Variants in ELOVL1 observed in about 807,000 individuals in gnomAD.
ELOVL1 encodes ELOVL fatty acid elongase 1.
Under a neutral mutation model 37.8 loss-of-function variants are expected in ELOVL1, and 10 were observed. The observed-to-expected ratio is 0.26, with a 90% CI of 0.16 to 0.45. The LOEUF is 0.45. ELOVL1 is among the 20% of genes least tolerant of loss of function. The pLI is 1.00. For synonymous variants in ELOVL1, 133 were observed against 123.8 expected, an observed-to-expected ratio of 1.07 and a Z score of -0.49; for missense variants, 256 against 352.7, an observed-to-expected ratio of 0.73 and a Z score of 2.20.
chr1:43,365,701 G>A, intron 1 of ELOVL1, 78 bp from the exon 2 acceptor site: 2 of 1,414,186 alleles, frequency 1.4e-6, no homozygotes, highest in Middle Eastern at 1.8e-4. Flanking sequence ...CACAGAACCA[G>A]ACAAGACACC....
Position 43,364,018 on chromosome 1 carries a change from C to G in ELOVL1, c.738G>C (p.Leu246=). 1.2e-6 allele frequency: 2 copies of G among 1,614,146 alleles called. No individual in the cohort carries two copies. Among genetic ancestry groups the G allele is most frequent in the Non-Finnish European group, 1.7e-6 (2 of 1,180,042 alleles). ...IWMYGTIFFM[L]FSNFWYHSYT... The stretch of plus-strand genomic sequence containing the variant: ...AAGAGTGATACCAGAAGTTGGAGAA[C>G]AGCATGAAGAAGATGGTGCCATACA... The change falls in exon 8 of 8, where the codon CTG becomes CTC. Residue 246 remains leucine (L), a synonymous_variant. Transcript: ENST00000372458. This position sits in a 1 kb window ranked among gnomAD's most constrained non-coding sequence, Gnocchi z 5.2.
chr1:43,363,941 C>G lies in ELOVL1; in HGVS notation c.815G>C (p.Gly272Ala). Residue 272 changes from glycine (G) to alanine (A), a missense_variant, in exon 8 of 8, where the codon GGT (glycine) becomes GCT (alanine). Transcript: ENST00000372458. ...TCAGTTGGCCTTGACCTTGGCAATA[C>G]CTGGAGCTCCATTTTGCTGAAGTGC... ...PRALQQNGAP[G>A]IAKVKAN 1 of 1,613,700 alleles carries G rather than the reference C, an allele frequency of 6.2e-7. No individual in the cohort carries two copies. The highest frequency in any genetic ancestry group is 1.1e-5 in the South Asian group (1 of 91,054).
chr1:43,365,427 C>T, intron 2 of ELOVL1, 51 bp from the exon 3 acceptor site: 1 of 1,609,604 alleles, frequency 6.2e-7, no homozygotes, highest in Non-Finnish European at 8.5e-7. Flanking sequence ...TTCGAAGGGT[C>T]TTCATTTGAA....
Position 43,364,901 on chromosome 1 carries a change from T to C in ELOVL1, c.318+27A>G. ...AACTGGTCATATCTACCAGGTTGCT[T>C]ATGACCTAGCCCCAGCCCCTACTTA... On this transcript the variant is annotated intron_variant, in intron 4 of 7. Transcript: ENST00000372458. The surrounding 1 kb of genome is among the most constrained non-coding windows in gnomAD (Gnocchi z 5.2). The C allele has an allele frequency of 6.2e-7, 1 of 1,614,026 alleles. No homozygotes were observed. The highest frequency in any genetic ancestry group is 1.1e-5 in the South Asian group (1 of 91,060).
rs1647188868 is a variant in ELOVL1 at position 43,363,818 on chromosome 1, GC to G, written c.*97del. ...CCCCTGCTCAGTCCTGACCACATAA[GC>G]CTTGGTCACAGGTGTAGGTGGAGAG... On this transcript the variant is annotated 3_prime_UTR_variant, in exon 8 of 8. Transcript: ENST00000372458. The G allele has an allele frequency of 8.8e-7, 1 of 1,131,162 alleles. No individual in the cohort carries two copies. The highest frequency in any genetic ancestry group is 1.3e-6 in the Non-Finnish European group (1 of 760,430). 70.1% of individuals were successfully genotyped at this position (1,131,162 alleles called of 1,614,324 possible). A position where few individuals can be genotyped will look rare whatever the true frequency, so the allele number is the denominator to read the frequency against.
chr1:43,365,180 G>A lies in ELOVL1; in HGVS notation c.237+6C>T, dbSNP rs1647211073. 6.2e-7 allele frequency: 1 copy of A among 1,613,072 alleles called. No individual in the cohort carries two copies. Among genetic ancestry groups the A allele is most frequent in the African/African-American group, 1.3e-5 (1 of 74,878 alleles). On this transcript the variant is annotated splice_donor_region_variant and intron_variant, in intron 3 of 7. Transcript: ENST00000372458. ...GAAATTAAAGCCCGGCATCCCAGGG[G>A]CCCACCTCATAGACAATGTAGAGGG... is the stretch of plus-strand genomic sequence containing the variant.
At chr1:43,366,773 A>G (rs1647250367) in intron 1 of ELOVL1, among the ~76,000 whole-genome samples, 1 of 151,988 alleles carries the variant, frequency 6.6e-6, no homozygotes, top group African/African-American at 2.4e-5. Flanking sequence ...AGGTCGCAGG[A>G]ATCTTCCCCT....
intron 1 of ELOVL1, chr1:43,366,318 C>T (rs1647235267): frequency 6.4e-6 from 1 of 155,414 alleles, no homozygotes; most frequent in South Asian, 2.0e-4. Context: ...CAGAGCCCTT[C>T]CTCTCCTGGA....
chr1:43,365,076 G>GATCC, intron 3 of ELOVL1, 68 bp from the exon 4 acceptor site: 1 of 1,592,974 alleles, frequency 6.3e-7, no homozygotes. Context: ...TTCGCTAGCT[G>GATCC]AGGACATGGA....
At position 43,365,168 on chromosome 1, in the gene ELOVL1, G is replaced by C. The variant is rs780795553; in HGVS notation, c.237+18C>G. The C allele has an allele frequency of 1.2e-6, 2 of 1,611,436 alleles. No homozygotes were observed. The highest frequency in any genetic ancestry group is 2.7e-5 in the African/African-American group (2 of 74,774). ...ATCCTGCTGACAGAAATTAAAGCCCGGCATCCCAGGGGCCCACCTCATAGA... is the reference window on the plus strand; with the variant it reads ...ATCCTGCTGACAGAAATTAAAGCCCCGCATCCCAGGGGCCCACCTCATAGA... On this transcript the variant is annotated intron_variant, in intron 3 of 7. Coordinates refer to ENST00000372458, the MANE Select transcript of ELOVL1 (RefSeq NM_022821.4).
Position 43,363,888 on chromosome 1 carries a change from A to G in ELOVL1, c.*28T>C. On this transcript the variant is annotated 3_prime_UTR_variant, in exon 8 of 8. Transcript: ENST00000372458. ...CCTAAGGTGCAGTCCTGAGGCACTT[A>G]GGTGGGCGCCTATCTAGGCCATGCT... 1.2e-6 allele frequency: 2 copies of G among 1,606,722 alleles called. No individual in the cohort carries two copies. The highest frequency in any genetic ancestry group is 1.7e-6 in the Non-Finnish European group (2 of 1,175,166).
rs1203825436 is a variant in ELOVL1, at chr1:43,365,268, T to C, written c.155A>G (p.Asn52Ser). The C allele has an allele frequency of 6.2e-7, 1 of 1,614,106 alleles. No homozygotes were observed. The highest frequency in any genetic ancestry group is 8.5e-7 in the Non-Finnish European group (1 of 1,180,010). ...GCCACGGAGCTGGAAGGGCTTCCGA[T>C]TAGCCATGATGCGAGGCCCAAGTGA... ...VLSLGPRIMA[N>S]RKPFQLRGFM... Residue 52 changes from asparagine (N) to serine (S), a missense_variant, in exon 3 of 8, where the codon AAT becomes AGT. Asn to Ser is a conservative substitution (Grantham distance 46). This residue lies in a region of ELOVL1 where 158 missense variants were observed against 189.4 expected (regional missense o/e 0.83). Transcript: ENST00000372458.
In ELOVL1 at chr1:43,363,514, G is replaced by T; in HGVS notation, c.*402C>A. 2.7e-6 allele frequency: 1 copy of T among 376,422 alleles called. No homozygotes were observed. The highest frequency in any genetic ancestry group is 4.9e-6 in the Non-Finnish European group (1 of 205,648). The allele number at this position is 376,422 out of a possible 1,614,324, so 23.3% of individuals were successfully genotyped here. ...TTGGCCCAGAAGCTACTGCTTCAGTGTGTGGGGTGGAGGAGTGAGACTGGG... is the reference window on the plus strand; with the variant it reads ...TTGGCCCAGAAGCTACTGCTTCAGTTTGTGGGGTGGAGGAGTGAGACTGGG... On this transcript the variant is annotated 3_prime_UTR_variant, in exon 8 of 8. Transcript: ENST00000372458.
At position 43,364,971 on chromosome 1, in the gene ELOVL1, C is replaced by T. The variant is rs556817698; in HGVS notation, c.275G>A (p.Arg92His). ...MSGWLSTYTW[R>H]CDPVDYSNSP... Reference sequence around the variant, plus strand: ...GTTGGAATAGTCCACAGGGTCACAGCGCCAGGTATAGGTGCTCAGCCAGCC... The same window carrying T: ...GTTGGAATAGTCCACAGGGTCACAGTGCCAGGTATAGGTGCTCAGCCAGCC... Residue 92 changes from arginine (R) to histidine (H), a missense_variant, in exon 4 of 8, where the codon CGC (arginine) becomes CAC (histidine). By Grantham distance (29) the Arg-to-His change is conservative (BLOSUM62 0). This residue lies in a region of ELOVL1 where 158 missense variants were observed against 189.4 expected (regional missense o/e 0.83). Transcript: ENST00000372458. The surrounding 1 kb of genome is among the most constrained non-coding windows in gnomAD (Gnocchi z 5.2). The T allele has an allele frequency of 9.9e-6, 16 of 1,613,880 alleles. No individual in the cohort carries two copies. Among genetic ancestry groups the T allele is most frequent in the Middle Eastern group, 1.7e-4 (1 of 6,056 alleles).
rs936182157 is a variant in ELOVL1 at position 43,364,854 on chromosome 1, T to G, written c.319-60A>C. On this transcript the variant is annotated intron_variant, in intron 4 of 7. Coordinates refer to ENST00000372458, the MANE Select transcript of ELOVL1 (RefSeq NM_022821.4). This position sits in a 1 kb window ranked among gnomAD's most constrained non-coding sequence, Gnocchi z 5.2. ...CACTATTCTAAGAGCCTCCCTAAACTGGGCCTTGAGCACAGGCCCCAAACT... is the reference window on the plus strand; with the variant it reads ...CACTATTCTAAGAGCCTCCCTAAACGGGGCCTTGAGCACAGGCCCCAAACT... 1.2e-6 allele frequency: 2 copies of G among 1,613,936 alleles called. No homozygotes were observed. Among genetic ancestry groups the G allele is most frequent in the East Asian group, 2.2e-5 (1 of 44,880 alleles).
At position 43,364,924 on chromosome 1, in the gene ELOVL1, T is replaced by G; in HGVS notation, c.318+4A>C. On this transcript the variant is annotated splice_donor_region_variant and intron_variant, in intron 4 of 7. Transcript: ENST00000372458. The surrounding 1 kb of genome is among the most constrained non-coding windows in gnomAD (Gnocchi z 5.2). ...CTTATGACCTAGCCCCAGCCCCTAC[T>G]TACCCTAAGTGCCTCAGGGCTGTTG... 1 of 1,613,954 alleles carries G rather than the reference T, an allele frequency of 6.2e-7. No individual in the cohort carries two copies. The highest frequency in any genetic ancestry group is 8.5e-7 in the Non-Finnish European group (1 of 1,179,952).
Position 43,363,645 on chromosome 1 carries a change from G to C in ELOVL1, c.*271C>G, listed in dbSNP as rs901599977. On this transcript the variant is annotated 3_prime_UTR_variant, in exon 8 of 8. Coordinates refer to ENST00000372458, the MANE Select transcript of ELOVL1 (RefSeq NM_022821.4). ...CCTCTCCCAAGTTTTAAGGCAGGGA[G>C]GGGGAAATAACTGTACAGCCCTTTT... The C allele has an allele frequency of 2.0e-6, 1 of 491,080 alleles. No homozygotes were observed. The allele number at this position is 491,080 out of a possible 1,614,324, so 30.4% of individuals were successfully genotyped here.
chr1:43,366,175 G>C (rs1039721554), intron 1 of ELOVL1: 5 of 170,670 alleles, frequency 2.9e-5, no homozygotes, highest in African/African-American at 9.5e-5. Flanking sequence ...GGGCCCTTCT[G>C]TCCCTCCAGA....
At position 43,364,156 on chromosome 1, in the gene ELOVL1, A is replaced by G. The variant is rs1487276407; in HGVS notation, c.619-19T>C. On this transcript the variant is annotated intron_variant, in intron 7 of 7. Coordinates refer to ENST00000372458, the MANE Select transcript of ELOVL1 (RefSeq NM_022821.4). This position sits in a 1 kb window ranked among gnomAD's most constrained non-coding sequence, Gnocchi z 5.2. ...ACTGGATCTAGGATAGAGAAAGACCAGGGTCAGAGGGAATAGTGAGAGGAC... is the reference window on the plus strand; with the variant it reads ...ACTGGATCTAGGATAGAGAAAGACCGGGGTCAGAGGGAATAGTGAGAGGAC... 3.7e-6 allele frequency: 6 copies of G among 1,613,712 alleles called. No homozygotes were observed. In the Admixed American group the frequency reaches 1.0e-4, roughly 27 times the overall value.
Sources: gnomAD v4.1 joint callset for allele counts (sites outside exome capture counted in the v4.1 genomes callset) on GRCh38, gnomAD v4.1.1 for gene constraint, gnomAD v4.1.1 regional missense constraint, Gnocchi (gnomAD v3.1) non-coding constraint, MANE v1.5 for transcripts, NCBI Gene and HGNC (gene_info 2026-07-23, HGNC 2026-07-21) for gene names.